Variants in CDC42EP3 observed in about 807,000 individuals in gnomAD.
CDC42EP3 encodes CDC42 effector protein (Rho GTPase binding) 3.
Under a neutral mutation model 15.5 loss-of-function variants are expected in CDC42EP3, and 4 were observed. That is an observed-to-expected ratio of 0.26 (90% CI 0.13 to 0.59). The LOEUF (loss-of-function observed/expected upper bound fraction) is 0.59. Ranked by LOEUF, CDC42EP3 falls within the 20% of genes least tolerant of loss-of-function variation. The pLI, the probability that CDC42EP3 is intolerant of heterozygous loss-of-function variation, is 0.89. For missense variants in CDC42EP3, 309 were observed against 311.2 expected, an observed-to-expected ratio of 0.99 and a Z score of 0.05; for synonymous variants, 145 against 130.3, an observed-to-expected ratio of 1.11 and a Z score of -0.77.
chr2:37,646,308 C>T lies in CDC42EP3; in HGVS notation c.280G>A (p.Val94Met), dbSNP rs777094998. ...FFRANSTSDS[V>M]FTETPSPVLK... is the part of the protein sequence containing the mutation. The stretch of plus-strand genomic sequence containing the variant: ...ACCGGGGAGGGCGTTTCTGTGAACA[C>T]AGAGTCCGAGGTGCTGTTGGCCCGG... The change falls in exon 2 of 2, where the codon GTG (valine) becomes ATG (methionine). Residue 94 changes from valine (V) to methionine (M), a missense_variant. Val to Met is a conservative substitution (Grantham distance 21). Transcript: ENST00000295324. The T allele has an allele frequency of 2.9e-5, 47 of 1,614,062 alleles. No homozygotes were observed. The highest frequency in any genetic ancestry group is 3.4e-5 in the Non-Finnish European group (40 of 1,180,040).
rs1665462717 is a variant in CDC42EP3 at position 37,646,279 on chromosome 2, G to A, written c.309C>T (p.Leu103=). 1 of 1,614,138 alleles carries A rather than the reference G, an allele frequency of 6.2e-7. No homozygotes were observed. Among genetic ancestry groups the A allele is most frequent in the South Asian group, 1.1e-5 (1 of 91,066 alleles). ...SVFTETPSPV[L]KNAISLPTIG... ...TGGTCGGGAGGGAGATGGCATTTTTGAGCACCGGGGAGGGCGTTTCTGTGA... is the reference window on the plus strand; with the variant it reads ...TGGTCGGGAGGGAGATGGCATTTTTAAGCACCGGGGAGGGCGTTTCTGTGA... Residue 103 remains leucine (L), a synonymous_variant, in exon 2 of 2, where the codon CTC becomes CTT. Coordinates refer to ENST00000295324, the MANE Select transcript of CDC42EP3 (RefSeq NM_006449.5).
chr2:37,652,689 T>C (rs1236510743), intron 1 of CDC42EP3, among the ~76,000 whole-genome samples: 1 of 152,038 alleles, frequency 6.6e-6, no homozygotes, highest in Non-Finnish European at 1.5e-5. Flanking sequence ...CCCAGCATCC[T>C]GAGTAGCTGA....
chr2:37,657,795 T>C (rs931281360), intron 1 of CDC42EP3, among the ~76,000 whole-genome samples: 1 of 152,184 alleles, frequency 6.6e-6, no homozygotes, highest in Non-Finnish European at 1.5e-5. Flanking sequence ...TTGTGGGTTT[T>C]CGTGACTGGG....
At chr2:37,670,177 C>T (rs1666361965) in intron 1 of CDC42EP3, among the ~76,000 whole-genome samples, 1 of 152,160 alleles carries the variant, frequency 6.6e-6, no homozygotes, top group Non-Finnish European at 1.5e-5. Flanking sequence ...AGTCTTTTTT[C>T]TCCCTGTGAT....
At chr2:37,660,092 CA>C (rs1395792310) in intron 1 of CDC42EP3, among the ~76,000 whole-genome samples, 3 of 152,224 alleles carry the variant, frequency 2.0e-5, no homozygotes, top group Non-Finnish European at 4.4e-5. Context: ...TTAAAATCTA[CA>C]GTGCTATGTA....
chr2:37,658,472 T>C (rs896848885), intron 1 of CDC42EP3, among the ~76,000 whole-genome samples: 6 of 152,038 alleles, frequency 3.9e-5, no homozygotes, highest in African/African-American at 1.4e-4. Flanking sequence ...TCCCAGAGAG[T>C]TTGAAAAGCA....
intron 1 of CDC42EP3, among the ~76,000 whole-genome samples, chr2:37,671,217 C>A (rs908703908): frequency 6.6e-6 from 1 of 152,262 alleles, no homozygotes. Flanking sequence ...AGCTCTGAGT[C>A]CTGGTCGTGC....
chr2:37,654,093 A>G (rs896313163), intron 1 of CDC42EP3, among the ~76,000 whole-genome samples: 1 of 152,138 alleles, frequency 6.6e-6, no homozygotes, highest in Non-Finnish European at 1.5e-5. Context: ...TGTTGGAACC[A>G]ACAGTCCTAG....
At chr2:37,663,806 G>A (rs1443869389) in intron 1 of CDC42EP3, among the ~76,000 whole-genome samples, 2 of 152,192 alleles carry the variant, frequency 1.3e-5, no homozygotes, top group Non-Finnish European at 2.9e-5. Flanking sequence ...TTGAGTCGGT[G>A]AATTGGGAGA....
At chr2:37,665,849 C>G (rs1183190451) in intron 1 of CDC42EP3, among the ~76,000 whole-genome samples, 4 of 48,846 alleles carry the variant, frequency 8.2e-5, no homozygotes, top group African/African-American at 3.0e-4. Flanking sequence ...ATAGGTGCCA[C>G]TGATCCTGGC....
At chr2:37,659,853 C>G (rs1248465843) in intron 1 of CDC42EP3, among the ~76,000 whole-genome samples, 1 of 152,118 alleles carries the variant, frequency 6.6e-6, no homozygotes, top group African/African-American at 2.4e-5. Context: ...AAAAATAAAC[C>G]TATCAAAACA....
At chr2:37,670,439 A>C (rs1413346006) in intron 1 of CDC42EP3, among the ~76,000 whole-genome samples, 1 of 150,350 alleles carries the variant, frequency 6.7e-6, no homozygotes, top group East Asian at 1.9e-4. Context: ...GGAAAGATTC[A>C]TGTTGCAATA....
At chr2:37,651,616 G>C (rs1015532504) in intron 1 of CDC42EP3, among the ~76,000 whole-genome samples, 2 of 152,236 alleles carry the variant, frequency 1.3e-5, no homozygotes, top group African/African-American at 4.8e-5. Context: ...GCATGGATCT[G>C]TACTTTGTAA....
rs546593704 is a variant in CDC42EP3 at position 37,644,087 on chromosome 2, C to T, written c.*1736G>A. 6.6e-6 allele frequency: 1 copy of T among 150,506 alleles called. No individual in the cohort carries two copies. The highest frequency in any genetic ancestry group is 2.4e-5 in the African/African-American group (1 of 40,862). The allele number at this position is 150,506 out of a possible 1,614,324, so 9.3% of individuals were successfully genotyped here. Reference sequence around the variant, plus strand: ...CCCAAGAAAATTCTTCCAATGCGGTCCAGGGAAGCTAAAATATTGGACACC... The same window carrying T: ...CCCAAGAAAATTCTTCCAATGCGGTTCAGGGAAGCTAAAATATTGGACACC... On this transcript the variant is annotated 3_prime_UTR_variant, in exon 2 of 2. Transcript: ENST00000295324.
intron 1 of CDC42EP3, among the ~76,000 whole-genome samples, chr2:37,655,817 G>C (rs1665830620): frequency 6.6e-6 from 1 of 152,188 alleles, no homozygotes; most frequent in African/African-American, 2.4e-5. Flanking sequence ...ATTCAGCCAG[G>C]ATATTCATTC....
At chr2:37,647,233 A>C (rs924598496) in intron 1 of CDC42EP3, among the ~76,000 whole-genome samples, 2 of 152,256 alleles carry the variant, frequency 1.3e-5, no homozygotes, top group Non-Finnish European at 2.9e-5. Context: ...TATGTACATA[A>C]GTTAATGCAA....
chr2:37,657,180 T>G (rs1303344014), intron 1 of CDC42EP3, among the ~76,000 whole-genome samples: 1 of 152,040 alleles, frequency 6.6e-6, no homozygotes, highest in African/African-American at 2.4e-5. Flanking sequence ...AACCTGAAAC[T>G]AAGAACCTTG....
intron 1 of CDC42EP3, among the ~76,000 whole-genome samples, chr2:37,651,393 A>ATGT (rs1218732479): frequency 6.6e-6 from 1 of 152,244 alleles, no homozygotes; most frequent in Non-Finnish European, 1.5e-5. Flanking sequence ...CTGGAGAGCC[A>ATGT]ATTTTATACA....
chr2:37,655,792 G>C (rs2124623477), intron 1 of CDC42EP3, among the ~76,000 whole-genome samples: 1 of 152,320 alleles, frequency 6.6e-6, no homozygotes, highest in African/African-American at 2.4e-5. Flanking sequence ...ACTTGACTCT[G>C]AAGTTTTCAG....
Sources: gnomAD v4.1 joint callset for allele counts (sites outside exome capture counted in the v4.1 genomes callset) on GRCh38, gnomAD v4.1.1 for gene constraint, MANE v1.5 for transcripts, NCBI Gene and HGNC (gene_info 2026-07-23, HGNC 2026-07-21) for gene names.